The following LSM11 variants were observed in gnomAD, a reference collection of about 807,000 sequenced individuals.
LSM11 encodes U7 snRNA-associated Sm-like protein LSm11.
A neutral mutation model predicts 28.1 loss-of-function variants in LSM11; 14 were observed. The ratio of observed to expected loss-of-function variants is 0.50; its 90% confidence interval spans 0.33 to 0.78. The LOEUF is 0.78. Ranked by LOEUF, LSM11 falls within the 30% of genes least tolerant of loss-of-function variation. The probability of loss-of-function intolerance (pLI) is 0.02; values close to 1 mark genes in which losing one functional copy is unlikely to be tolerated. For synonymous variants in LSM11, 207 were observed against 214.2 expected (o/e 0.97, Z 0.30); for missense variants, 495 against 510.6 (o/e 0.97, Z 0.30).
intron 3 of LSM11, 58 bp from the exon 4 acceptor site, chr5:157,754,796 G>A: frequency 6.8e-7 from 1 of 1,477,148 alleles, no homozygotes; most frequent in East Asian, 2.3e-5. Flanking sequence ...TCTGTATGTT[G>A]AAAGAGGGTG....
intron 1 of LSM11, among the ~76,000 whole-genome samples, chr5:157,746,796 G>A (rs1761155094): frequency 6.6e-6 from 1 of 152,116 alleles, no homozygotes; most frequent in Admixed American, 6.6e-5. Flanking sequence ...TCTAGTTCCA[G>A]CTGTTCAGGA....
chr5:157,748,424 G>T (rs1761177502), intron 1 of LSM11, among the ~76,000 whole-genome samples: 1 of 152,202 alleles, frequency 6.6e-6, no homozygotes. Flanking sequence ...GTTCTGGGAA[G>T]GCCTCTAAGA....
Position 157,744,091 on chromosome 5 carries a change from G to A in LSM11, c.341G>A (p.Arg114His). 2.7e-6 allele frequency: 4 copies of A among 1,485,842 alleles called. No individual in the cohort carries two copies. The highest frequency in any genetic ancestry group is 1.3e-5 in the South Asian group (1 of 78,862). The allele number at this position is 1,485,842 out of a possible 1,614,324, so 92.0% of individuals were successfully genotyped here. A position where few individuals can be genotyped will look rare whatever the true frequency, so the allele number is the denominator to read the frequency against. Residue 114 changes from arginine (R) to histidine (H), a missense_variant, in exon 1 of 4, where the codon CGC becomes CAC. Coordinates refer to ENST00000286307, the MANE Select transcript of LSM11 (RefSeq NM_173491.4). ...GACCCCGAGCGCATCCAGCGCCTCC[G>A]CCGTCTCATGGTGGCCAAAGAGGAA... ...APDPERIQRLRRLMVAKEEGD... is the reference protein window; with the variant it reads ...APDPERIQRLHRLMVAKEEGD...
chr5:157,759,357 C>T lies in LSM11; in HGVS notation c.*4093C>T, dbSNP rs887939282. On this transcript the variant is annotated 3_prime_UTR_variant, in exon 4 of 4. Coordinates refer to ENST00000286307, the MANE Select transcript of LSM11 (RefSeq NM_173491.4). ...AAAAGAAATAGAAACTTACTTGATG[C>T]AGAATGGATATTTATATTTCTGCTT... The T allele has an allele frequency of 6.6e-6, 1 of 152,172 alleles. No individual in the cohort carries two copies. The highest frequency in any genetic ancestry group is 2.4e-5 in the African/African-American group (1 of 41,442). 9.4% of individuals were successfully genotyped at this position (152,172 alleles called of 1,614,324 possible). A position where few individuals can be genotyped will look rare whatever the true frequency, so the allele number is the denominator to read the frequency against.
Position 157,744,029 on chromosome 5 carries a change from G to C in LSM11, c.279G>C (p.Ser93=). The C allele has an allele frequency of 7.1e-7, 1 of 1,400,988 alleles. No homozygotes were observed. Among genetic ancestry groups the C allele is most frequent in the Non-Finnish European group, 9.3e-7 (1 of 1,074,536 alleles). The allele number at this position is 1,400,988 out of a possible 1,614,324, so 86.8% of individuals were successfully genotyped here. ...GGGTTCCCGCCGCACCCGGGCCCTC[G>C]GGCAGGACTCGTCGCCGCCCGGACG... is the stretch of plus-strand genomic sequence containing the variant. ...GSGVPAAPGP[S]GRTRRRPDAP... Residue 93 remains serine (S), a synonymous_variant, in exon 1 of 4, where the codon TCG becomes TCC. Transcript: ENST00000286307.
At chr5:157,746,387 G>T (rs1334975578) in intron 1 of LSM11, among the ~76,000 whole-genome samples, 1 of 152,184 alleles carries the variant, frequency 6.6e-6, no homozygotes, top group Non-Finnish European at 1.5e-5. Flanking sequence ...AATACATGAG[G>T]AGCTACATTT....
At chr5:157,746,877 T>C (rs1190542964) in intron 1 of LSM11, among the ~76,000 whole-genome samples, 1 of 152,090 alleles carries the variant, frequency 6.6e-6, no homozygotes, top group Non-Finnish European at 1.5e-5. Context: ...AGGGACATCA[T>C]AGAGACCTCT....
At chr5:157,751,962 C>T (rs1329878003) in intron 2 of LSM11, among the ~76,000 whole-genome samples, 2 of 152,156 alleles carry the variant, frequency 1.3e-5, no homozygotes, top group Non-Finnish European at 1.5e-5. Flanking sequence ...ATTATTTTAT[C>T]GGTTTAGTAA....
In LSM11 at chr5:157,743,774, G is replaced by A; in HGVS notation, c.24G>A (p.Ala8=). MEERERG[A]RSAGAGSPAR... ...ACATGGAGGAGCGGGAGCGGGGGGC[G>A]AGGTCGGCTGGCGCCGGGAGCCCCG... is the stretch of plus-strand genomic sequence containing the variant. The change falls in exon 1 of 4, where the codon GCG becomes GCA. Residue 8 remains alanine, a synonymous_variant. Coordinates refer to ENST00000286307, the MANE Select transcript of LSM11 (RefSeq NM_173491.4). 2 of 1,414,326 alleles carry A rather than the reference G, an allele frequency of 1.4e-6. No individual in the cohort carries two copies. The highest frequency in any genetic ancestry group is 2.9e-5 in the East Asian group (1 of 33,932). The allele number at this position is 1,414,326 out of a possible 1,614,324, so 87.6% of individuals were successfully genotyped here. A position where few individuals can be genotyped will look rare whatever the true frequency, so the allele number is the denominator to read the frequency against.
intron 1 of LSM11, among the ~76,000 whole-genome samples, chr5:157,747,995 G>C (rs563265998): frequency 7.6e-5 from 1 of 13,216 alleles, no homozygotes; most frequent in African/African-American, 1.4e-4. Flanking sequence ...CCACACTGCT[G>C]TGTGTGTGTG....
intron 1 of LSM11, among the ~76,000 whole-genome samples, chr5:157,750,838 A>G (rs1326961139): frequency 1.3e-5 from 2 of 151,922 alleles, no homozygotes; most frequent in South Asian, 2.1e-4. Flanking sequence ...CTGGAGTGCA[A>G]TGGTGCGATC....
In LSM11 at chr5:157,758,439, A is replaced by G. The variant is rs1761365460; in HGVS notation, c.*3175A>G. ...TTTATTATCGAAGATATTGTTTAAA[A>G]GAAAGAAAAAGTAGGTCCCAATAAT... On this transcript the variant is annotated 3_prime_UTR_variant, in exon 4 of 4. Coordinates refer to ENST00000286307, the MANE Select transcript of LSM11 (RefSeq NM_173491.4). 6.6e-6 allele frequency: 1 copy of G among 152,232 alleles called. No homozygotes were observed. Among genetic ancestry groups the G allele is most frequent in the Admixed American group, 6.5e-5 (1 of 15,282 alleles). The allele number at this position is 152,232 out of a possible 1,614,324, so 9.4% of individuals were successfully genotyped here.
rs1233788893 is a variant in LSM11 at position 157,759,211 on chromosome 5, A to C, written c.*3947A>C. On this transcript the variant is annotated 3_prime_UTR_variant, in exon 4 of 4. Coordinates refer to ENST00000286307, the MANE Select transcript of LSM11 (RefSeq NM_173491.4). The stretch of plus-strand genomic sequence containing the variant: ...GTTGTGGATAGGAGTGGCTCCATCT[A>C]TCCTTGTGGTGAAAGAGTCCAGGAG... The C allele has an allele frequency of 6.6e-6, 1 of 152,220 alleles. No homozygotes were observed. Among genetic ancestry groups the C allele is most frequent in the Non-Finnish European group, 1.5e-5 (1 of 68,034 alleles). The allele number at this position is 152,220 out of a possible 1,614,324, so 9.4% of individuals were successfully genotyped here.
chr5:157,750,157 A>G (rs1168665519), intron 1 of LSM11, among the ~76,000 whole-genome samples: 1 of 152,110 alleles, frequency 6.6e-6, no homozygotes, highest in African/African-American at 2.4e-5. Flanking sequence ...GGGTTGAGCT[A>G]GGGGGATCGC....
rs1394712621 is a variant in LSM11 at position 157,759,942 on chromosome 5, C to G, written c.*4678C>G. On this transcript the variant is annotated 3_prime_UTR_variant, in exon 4 of 4. Coordinates refer to ENST00000286307, the MANE Select transcript of LSM11 (RefSeq NM_173491.4). Reference sequence around the variant, plus strand: ...TGTTTGTACGTTATCTTGCACTGCTCTAATAAAAATGAAAGCTCTCTGACA... The same window carrying G: ...TGTTTGTACGTTATCTTGCACTGCTGTAATAAAAATGAAAGCTCTCTGACA... 1.3e-5 allele frequency: 2 copies of G among 152,120 alleles called. No individual in the cohort carries two copies. Among genetic ancestry groups the G allele is most frequent in the Non-Finnish European group, 2.9e-5 (2 of 68,034 alleles). 9.4% of individuals were successfully genotyped at this position (152,120 alleles called of 1,614,324 possible). A position where few individuals can be genotyped will look rare whatever the true frequency, so the allele number is the denominator to read the frequency against.
chr5:157,748,536 A>G (rs12517738), intron 1 of LSM11, among the ~76,000 whole-genome samples: 31,462 of 152,122 alleles, frequency 0.21, 3,444 homozygotes, highest in South Asian at 0.29. Context: ...CAATTGTCCT[A>G]CACATCCCTT....
chr5:157,745,347 C>G (rs1203487518), intron 1 of LSM11, among the ~76,000 whole-genome samples: 1 of 152,198 alleles, frequency 6.6e-6, no homozygotes, highest in Non-Finnish European at 1.5e-5. Context: ...TCCTGAAACG[C>G]TCTGTGCTGT....
intron 2 of LSM11, among the ~76,000 whole-genome samples, chr5:157,752,040 T>C (rs981064525): frequency 3.3e-5 from 5 of 152,232 alleles, no homozygotes; most frequent in African/African-American, 1.2e-4. Flanking sequence ...CTTCCCATTT[T>C]GGCTGAACCC....
At chr5:157,752,983 C>T (rs1761263691) in intron 2 of LSM11, among the ~76,000 whole-genome samples, 2 of 151,960 alleles carry the variant, frequency 1.3e-5, no homozygotes, top group South Asian at 2.1e-4. Context: ...TAGCTGCTAA[C>T]ATATATTGAG....
Sources: allele counts gnomAD v4.1 joint callset (sites outside exome capture counted in the v4.1 genomes callset), GRCh38; gene constraint gnomAD v4.1.1; transcripts MANE v1.5; gene names NCBI Gene and HGNC (gene_info 2026-07-23, HGNC 2026-07-21).